The following CNTN6 variants were observed in gnomAD, a reference collection of about 807,000 sequenced individuals.
CNTN6 encodes contactin 6, also known as contactin-6.
CNTN6 carries 137 observed loss-of-function variants against 122.8 expected under a neutral mutation model. The observed-to-expected ratio is 1.12, with a 90% CI of 0.97 to 1.29. The LOEUF (loss-of-function observed/expected upper bound fraction) is 1.29, where lower values mean the gene tolerates loss of function less well. CNTN6 is among the 50% of genes most tolerant of loss of function. The pLI, the probability that CNTN6 is intolerant of heterozygous loss-of-function variation, is 0.00. For synonymous variants in CNTN6, 570 were observed against 426.0 expected (o/e 1.34, Z -4.16); for missense variants, 1,634 against 1,223.4 (o/e 1.34, Z -5.01).
intron 2 of CNTN6, among the ~76,000 whole-genome samples, chr3:1,220,247 G>A (rs1396055714): frequency 6.6e-6 from 1 of 151,996 alleles, no homozygotes; most frequent in African/African-American, 2.4e-5. Context: ...GAGATGGGAG[G>A]ATCACTTGAG....
chr3:1,227,770 T>G (rs1038149569), intron 3 of CNTN6, 48 bp from the exon 4 acceptor site: 1 of 1,566,396 alleles, frequency 6.4e-7, no homozygotes, highest in Non-Finnish European at 8.7e-7. Flanking sequence ...AGACAAAGAT[T>G]GATTGACTCT....
intron 2 of CNTN6, among the ~76,000 whole-genome samples, chr3:1,218,267 A>C (rs4684090): frequency 6.6e-6 from 1 of 151,968 alleles, no homozygotes; most frequent in Non-Finnish European, 1.5e-5. Flanking sequence ...TGAAGGCAGA[A>C]GCCTGGAGTC....
intron 5 of CNTN6, among the ~76,000 whole-genome samples, chr3:1,282,449 G>C (rs1693631719): frequency 6.6e-6 from 1 of 152,284 alleles, no homozygotes. Context: ...AGCAGAATAG[G>C]CACCATTCTC....
chr3:1,322,339 AC>A (rs1700973061), intron 8 of CNTN6, among the ~76,000 whole-genome samples: 1 of 151,726 alleles, frequency 6.6e-6, no homozygotes, highest in Admixed American at 6.6e-5. Context: ...TGTCTCAGTT[AC>A]AAAAATCTCT....
chr3:1,158,861 T>TACAC (rs780454541), intron 2 of CNTN6, among the ~76,000 whole-genome samples: 2 of 100,544 alleles, frequency 2.0e-5, no homozygotes, highest in South Asian at 3.3e-4. Context: ...TACATATATA[T>TACAC]ACACACATAT....
In CNTN6 at chr3:1,127,666, G is replaced by T. The variant is rs115556675; in HGVS notation, c.-82-20261G>T. Reference sequence around the variant, plus strand: ...TAGGTTGATTGAATTTTTACTTTCTGAATCTGTTACTTTGATACTTATTCT... The same window carrying T: ...TAGGTTGATTGAATTTTTACTTTCTTAATCTGTTACTTTGATACTTATTCT... On this transcript the variant is annotated intron_variant, in intron 1 of 22. Coordinates refer to ENST00000446702, the MANE Select transcript of CNTN6 (RefSeq NM_001289080.2). 4.2e-3 allele frequency among the ~76,000 whole-genome samples: 644 copies of T among 151,960 alleles called. 7 individuals carry two copies. Among genetic ancestry groups the T allele is most frequent in the African/African-American group, 0.015 (617 of 41,496 alleles).
At chr3:1,305,401 C>T (rs7626099) in intron 7 of CNTN6, among the ~76,000 whole-genome samples, 2 of 151,990 alleles carry the variant, frequency 1.3e-5, no homozygotes, top group Non-Finnish European at 2.9e-5. Flanking sequence ...AGTTTCAGAG[C>T]TGACATGATC....
intron 2 of CNTN6, among the ~76,000 whole-genome samples, chr3:1,163,169 G>A (rs930106797): frequency 2.6e-5 from 4 of 152,150 alleles, no homozygotes; most frequent in Non-Finnish European, 5.9e-5. Context: ...GCTTGTTTTA[G>A]CTAAAAGGCA....
chr3:1,266,042 T>C (rs940672098), intron 4 of CNTN6, among the ~76,000 whole-genome samples: 6 of 151,902 alleles, frequency 3.9e-5, no homozygotes, highest in African/African-American at 1.5e-4. Flanking sequence ...GCATAACACC[T>C]AAGTGCGTCA....
At chr3:1,226,064 A>T (rs2094279101) in intron 3 of CNTN6, among the ~76,000 whole-genome samples, 1 of 152,168 alleles carries the variant, frequency 6.6e-6, no homozygotes, top group African/African-American at 2.4e-5. Flanking sequence ...TTTTTAGTAG[A>T]GGCGGGGTTT....
chr3:1,336,751 C>T (rs930657647), intron 11 of CNTN6, among the ~76,000 whole-genome samples: 3 of 152,122 alleles, frequency 2.0e-5, no homozygotes, highest in Admixed American at 6.6e-5. Context: ...AGCGGTGCTT[C>T]TTCAATATTT....
intron 1 of CNTN6, among the ~76,000 whole-genome samples, chr3:1,100,114 T>G (rs1461336526): frequency 2.0e-5 from 3 of 152,186 alleles, no homozygotes; most frequent in Non-Finnish European, 4.4e-5. Context: ...CCTGAGTTCT[T>G]TATTTACCAT....
intron 2 of CNTN6, among the ~76,000 whole-genome samples, chr3:1,196,747 T>G (rs980725958): frequency 6.6e-6 from 1 of 152,222 alleles, no homozygotes; most frequent in Admixed American, 6.5e-5. Context: ...TATTAAAAAC[T>G]ACCATTTACA....
At chr3:1,354,806 G>A (rs950099646) in intron 12 of CNTN6, among the ~76,000 whole-genome samples, 3 of 151,226 alleles carry the variant, frequency 2.0e-5, no homozygotes, top group African/African-American at 7.3e-5. Context: ...AGGACACTTT[G>A]CAAAAAAAGA....
At chr3:1,337,314 C>A (rs1007484595) in intron 11 of CNTN6, among the ~76,000 whole-genome samples, 3 of 152,092 alleles carry the variant, frequency 2.0e-5, no homozygotes, top group African/African-American at 7.2e-5. Context: ...TTATATGATT[C>A]TTCCTCCCTG....
intron 5 of CNTN6, among the ~76,000 whole-genome samples, chr3:1,292,905 A>G (rs564818734): frequency 1.1e-4 from 17 of 152,260 alleles, no homozygotes; most frequent in African/African-American, 3.1e-4. Context: ...AACATATCAC[A>G]CACACACACA....
intron 7 of CNTN6, among the ~76,000 whole-genome samples, chr3:1,317,956 C>T (rs1700330711): frequency 6.7e-6 from 1 of 149,818 alleles, no homozygotes. Flanking sequence ...ATTCTTGTAA[C>T]CATCTTCAAA....
chr3:1,302,165 A>G (rs751989476), intron 7 of CNTN6, among the ~76,000 whole-genome samples: 1 of 152,196 alleles, frequency 6.6e-6, no homozygotes, highest in Non-Finnish European at 1.5e-5. Flanking sequence ...AAGTGTTTTT[A>G]TAAAGTCTAT....
intron 4 of CNTN6, among the ~76,000 whole-genome samples, chr3:1,259,648 CTT>C (rs1210352498): frequency 6.6e-6 from 1 of 152,052 alleles, no homozygotes; most frequent in Non-Finnish European, 1.5e-5. Context: ...TGAGTTGAGT[CTT>C]TAAATTCTGG....
Sources: gnomAD v4.1 joint callset for allele counts (sites outside exome capture counted in the v4.1 genomes callset) on GRCh38, gnomAD v4.1.1 for gene constraint, MANE v1.5 for transcripts, NCBI Gene and HGNC (gene_info 2026-07-23, HGNC 2026-07-21) for gene names.